The following NHSL1 variants were observed in gnomAD, a reference collection of about 807,000 sequenced individuals.
NHSL1 encodes NHS like 1, also known as NHS-like protein 1.
A neutral mutation model predicts 95.0 loss-of-function variants in NHSL1; 48 were observed. That is an observed-to-expected ratio of 0.51 (90% CI 0.40 to 0.64). NHSL1 has a LOEUF of 0.64. Ranked by LOEUF, NHSL1 falls within the 30% of genes least tolerant of loss-of-function variation. The pLI is 0.00. For missense variants in NHSL1, 1,971 were observed against 2,077.7 expected (o/e 0.95, Z 1.00); for synonymous variants, 783 against 833.9 (o/e 0.94, Z 1.05).
chr6:138,444,435 AT>A (rs1386249839), intron 4 of NHSL1, among the ~76,000 whole-genome samples: 1 of 152,104 alleles, frequency 6.6e-6, no homozygotes, highest in African/African-American at 2.4e-5. Context: ...CATATTAAGT[AT>A]TTTTTCCTCC....
intron 1 of NHSL1, among the ~76,000 whole-genome samples, chr6:138,605,847 A>G (rs73774849): frequency 0.012 from 1,844 of 152,352 alleles, 49 homozygotes; most frequent in African/African-American, 0.042. Context: ...TTGAATAGCT[A>G]TCAAGCAAGG....
rs573054134 is a variant in NHSL1, at chr6:138,447,797, G to A, written c.340-604C>T. Reference sequence around the variant, plus strand: ...AAAAAAAATTTTAAAAAGAAAGTTCGTGGGTTTAGTTTAACATTAGAAGCC... The same window carrying A: ...AAAAAAAATTTTAAAAAGAAAGTTCATGGGTTTAGTTTAACATTAGAAGCC... On this transcript the variant is annotated intron_variant, in intron 3 of 7. Coordinates refer to ENST00000343505, the MANE Select transcript of NHSL1 (RefSeq NM_001144060.2). 2.8e-4 allele frequency among the ~76,000 whole-genome samples: 42 copies of A among 152,230 alleles called. No homozygotes were observed. The Middle Eastern group carries it at 0.014, about 49-fold the overall frequency.
intron 1 of NHSL1, among the ~76,000 whole-genome samples, chr6:138,628,474 G>A (rs11154986): frequency 0.013 from 2,011 of 152,266 alleles, 45 homozygotes; most frequent in African/African-American, 0.045. Flanking sequence ...AGCTGAAGAC[G>A]ATAGCTTTAT....
At chr6:138,449,448 G>T (rs59912452) in intron 3 of NHSL1, among the ~76,000 whole-genome samples, 1 of 152,008 alleles carries the variant, frequency 6.6e-6, no homozygotes, top group African/African-American at 2.4e-5. Context: ...AGGCTGAGGC[G>T]GGCAGATCAC....
chr6:138,564,535 T>C (rs948944504), intron 1 of NHSL1, among the ~76,000 whole-genome samples: 1 of 152,002 alleles, frequency 6.6e-6, no homozygotes, highest in East Asian at 1.9e-4. Flanking sequence ...CTAAGCCAAA[T>C]TCAGAAAGTA....
At chr6:138,684,601 C>T (rs1400985976) in intron 1 of NHSL1, among the ~76,000 whole-genome samples, 2 of 151,970 alleles carry the variant, frequency 1.3e-5, no homozygotes, top group Admixed American at 6.6e-5. Flanking sequence ...GCCAAGATCG[C>T]GCCACTGCAT....
chr6:138,513,702 G>A (rs1249445600), intron 1 of NHSL1, among the ~76,000 whole-genome samples: 5 of 152,042 alleles, frequency 3.3e-5, no homozygotes, highest in Non-Finnish European at 7.4e-5. Context: ...ATCATCCTTC[G>A]GGTCTCAGAT....
chr6:138,522,670 A>G (rs1053424155), intron 1 of NHSL1, among the ~76,000 whole-genome samples: 16 of 152,174 alleles, frequency 1.1e-4, no homozygotes, highest in African/African-American at 3.4e-4. Flanking sequence ...TAATTTACTC[A>G]GGTGTGGTGG....
chr6:138,512,743 T>G (rs1781289594), intron 1 of NHSL1, among the ~76,000 whole-genome samples: 1 of 152,180 alleles, frequency 6.6e-6, no homozygotes, highest in African/African-American at 2.4e-5. Flanking sequence ...TTAAGAAGTC[T>G]TGGGGCAGAC....
At chr6:138,622,178 TATG>T (rs1784672444) in intron 1 of NHSL1, among the ~76,000 whole-genome samples, 1 of 152,148 alleles carries the variant, frequency 6.6e-6, no homozygotes, top group Non-Finnish European at 1.5e-5. Flanking sequence ...GAGGGAATGA[TATG>T]AAGAAGAAGT....
intron 1 of NHSL1, among the ~76,000 whole-genome samples, chr6:138,663,636 G>C (rs1357115163): frequency 6.6e-6 from 1 of 151,480 alleles, no homozygotes; most frequent in African/African-American, 2.4e-5. Context: ...TTGGAAGGCT[G>C]AGGCGGGTGG....
intron 3 of NHSL1, among the ~76,000 whole-genome samples, chr6:138,464,816 G>A (rs747280422): frequency 5.1e-4 from 75 of 146,910 alleles, no homozygotes; most frequent in Non-Finnish European, 6.4e-4. Context: ...AGGTTCAAGT[G>A]ATTCTCCTGC....
intron 1 of NHSL1, among the ~76,000 whole-genome samples, chr6:138,605,481 A>T (rs61535894): frequency 0.028 from 4,298 of 152,310 alleles, 197 homozygotes; most frequent in African/African-American, 0.098. Flanking sequence ...AGTTTACCAG[A>T]ATTAAAATAC....
intron 4 of NHSL1, among the ~76,000 whole-genome samples, chr6:138,444,593 T>C (rs76878865): frequency 2.7e-5 from 4 of 150,688 alleles, no homozygotes; most frequent in Admixed American, 2.7e-4. Flanking sequence ...TTTTTTTTTT[T>C]CCTGCTGAGC....
At chr6:138,496,407 A>T (rs1424397784) in intron 1 of NHSL1, 36 bp from the exon 2 acceptor site, 2 of 1,546,928 alleles carry the variant, frequency 1.3e-6, no homozygotes, top group Non-Finnish European at 1.7e-6. Flanking sequence ...TCAGGTGTCA[A>T]CTTCATTGGC....
intron 7 of NHSL1, among the ~76,000 whole-genome samples, chr6:138,425,052 A>T (rs1253244046): frequency 1.3e-5 from 2 of 152,038 alleles, no homozygotes; most frequent in Non-Finnish European, 2.9e-5. Context: ...CAACACAGTA[A>T]GACCTTATCT....
Position 138,430,805 on chromosome 6 carries a change from G to A in NHSL1, c.3540C>T (p.Thr1180=). Residue 1180 remains threonine, a synonymous_variant, in exon 6 of 8, where the codon ACC becomes ACT. Coordinates refer to ENST00000343505, the MANE Select transcript of NHSL1 (RefSeq NM_001144060.2). This position sits in a 1 kb window ranked among gnomAD's most constrained non-coding sequence, Gnocchi z 4.7. ...GEAEARPSPS[T]TPLPDSSPSR... Reference sequence around the variant, plus strand: ...TGGGTGAAGAGTCTGGGAGTGGGGTGGTGCTGGGGCTGGGCCGAGCCTCTG... The same window carrying A: ...TGGGTGAAGAGTCTGGGAGTGGGGTAGTGCTGGGGCTGGGCCGAGCCTCTG... 1 of 1,551,314 alleles carries A rather than the reference G, an allele frequency of 6.4e-7. No homozygotes were observed. The highest frequency in any genetic ancestry group is 8.7e-7 in the Non-Finnish European group (1 of 1,146,960).
intron 3 of NHSL1, chr6:138,464,123 A>C: frequency 1.9e-6 from 1 of 536,652 alleles, no homozygotes; most frequent in Non-Finnish European, 3.4e-6. Context: ...CCTCACCGCT[A>C]TCTGGTCCTC....
At chr6:138,595,316 G>A (rs183075901) in intron 1 of NHSL1, among the ~76,000 whole-genome samples, 135 of 152,314 alleles carry the variant, frequency 8.9e-4, no homozygotes, top group African/African-American at 3.1e-3. Flanking sequence ...GCTCATGCCC[G>A]TAATCCTAGC....
Sources: gnomAD v4.1 joint callset for allele counts (sites outside exome capture counted in the v4.1 genomes callset) on GRCh38, gnomAD v4.1.1 for gene constraint, Gnocchi (gnomAD v3.1) non-coding constraint, MANE v1.5 for transcripts, NCBI Gene and HGNC (gene_info 2026-07-23, HGNC 2026-07-21) for gene names.